Variants in ZNF433 observed in about 807,000 individuals in gnomAD.
ZNF433 encodes the protein zinc finger protein 433.
ZNF433 carries 12 observed loss-of-function variants against 10.6 expected under a neutral mutation model. The ratio of observed to expected loss-of-function variants is 1.13; its 90% CI spans 0.72 to 1.83. The LOEUF is 1.83. Ranked by LOEUF, ZNF433 falls within the 40% of genes most tolerant of loss-of-function variation. The pLI is 0.00. For synonymous variants in ZNF433, 272 were observed against 271.3 expected (o/e 1.00, Z -0.02); for missense variants, 737 against 798.0 (o/e 0.92, Z 0.92).
intron 1 of ZNF433, among the ~76,000 whole-genome samples, chr19:12,031,828 G>A (rs1422593273): frequency 6.7e-6 from 1 of 148,610 alleles, no homozygotes; most frequent in Non-Finnish European, 1.5e-5. Flanking sequence ...CAAGGCTGTA[G>A]TGAGCTGTGA....
At position 12,016,532 on chromosome 19, in the gene ZNF433, A is replaced by G. The variant is rs1410062133; in HGVS notation, c.326T>C (p.Val109Ala). 1 of 1,614,116 alleles carries G rather than the reference A, an allele frequency of 6.2e-7. No homozygotes were observed. The highest frequency in any genetic ancestry group is 8.5e-7 in the Non-Finnish European group (1 of 1,180,028). ...KSCESSVYGE[V>A]GSAHSSLNRH... ...ATTAAGAGATGAATGAGCACTGCCT[A>G]CTTCTCCATACACACTGCTTTCGCA... Residue 109 changes from valine (V) to alanine (A), a missense_variant, in exon 4 of 4, where the codon GTA (valine) becomes GCA (alanine). Coordinates refer to ENST00000550507, the MANE Select transcript of ZNF433 (RefSeq NM_001308348.2).
chr19:12,018,413 C>CG, intron 1 of ZNF433, 121 bp from the exon 2 acceptor site: 3 of 1,186,636 alleles, frequency 2.5e-6, no homozygotes, highest in South Asian at 4.1e-5. Flanking sequence ...CCATGACCAT[C>CG]AGACCTCATA....
intron 1 of ZNF433, among the ~76,000 whole-genome samples, chr19:12,032,978 GC>G (rs1474760159): frequency 6.6e-6 from 1 of 152,180 alleles, no homozygotes; most frequent in East Asian, 1.9e-4. Flanking sequence ...CAAGTGTCAG[GC>G]CATCCTATCA....
In ZNF433 at chr19:12,015,317, C is replaced by T; in HGVS notation, c.1541G>A (p.Cys514Tyr). Residue 514 changes from cysteine (C) to tyrosine (Y), a missense_variant, in exon 4 of 4, where the codon TGT becomes TAT. By Grantham distance (194) the Cys-to-Tyr change is radical (BLOSUM62 -2). Coordinates refer to ENST00000550507, the MANE Select transcript of ZNF433 (RefSeq NM_001308348.2). ...TCCATGATATCGAAAGGAGCTCGAA[C>T]AGTTGAAGGATCTGCCACACTGCTT... is the stretch of plus-strand genomic sequence containing the variant. ...ECKQCGRSFN[C>Y]SSSFRYHGRT... 6 of 1,608,126 alleles carry T rather than the reference C, an allele frequency of 3.7e-6. No homozygotes were observed. Among genetic ancestry groups the T allele is most frequent in the Non-Finnish European group, 5.1e-6 (6 of 1,178,306 alleles).
chr19:12,021,394 A>G (rs1448668252), intron 1 of ZNF433, among the ~76,000 whole-genome samples: 1 of 152,138 alleles, frequency 6.6e-6, no homozygotes. Flanking sequence ...TGCACAGAGA[A>G]TCTCTCCCAC....
Position 12,016,180 on chromosome 19 carries a change from T to C in ZNF433, c.678A>G (p.Lys226=). 1.9e-6 allele frequency: 3 copies of C among 1,613,678 alleles called. No homozygotes were observed. The highest frequency in any genetic ancestry group is 2.5e-6 in the Non-Finnish European group (3 of 1,179,848). ...THTGEKPYQC[K]QCGKAFSHSS... ...AATGACTAAAGGCTTTACCACACTG[T>C]TTACATTGATATGGTTTCTCTCCAG... is the stretch of plus-strand genomic sequence containing the variant. The change falls in exon 4 of 4, where the codon AAA becomes AAG. Residue 226 remains lysine (K), a synonymous_variant. Transcript: ENST00000550507.
chr19:12,024,834 G>A (rs998630198), intron 1 of ZNF433: 8 of 152,164 alleles, frequency 5.3e-5, no homozygotes, highest in Non-Finnish European at 8.8e-5. Flanking sequence ...GATAGGAAAT[G>A]GGAGAACTCG....
chr19:12,018,065 A>G lies in ZNF433; in HGVS notation c.130+101T>C. 3 of 1,390,444 alleles carry G rather than the reference A, an allele frequency of 2.2e-6. No homozygotes were observed. In the South Asian group the frequency reaches 4.3e-5, roughly 20 times the overall value. 86.1% of individuals were successfully genotyped at this position (1,390,444 alleles called of 1,614,324 possible). A position where few individuals can be genotyped will look rare whatever the true frequency, so the allele number is the denominator to read the frequency against. On this transcript the variant is annotated intron_variant, in intron 2 of 3. Transcript: ENST00000550507. ...ATCAAATATTCCCTGTCCACATTGT[A>G]AATCACTCAACAGCATACATGAGCT...
intron 3 of ZNF433, among the ~76,000 whole-genome samples, chr19:12,017,299 T>G (rs1355678428): frequency 1.3e-5 from 2 of 149,832 alleles, no homozygotes; most frequent in Non-Finnish European, 3.0e-5. Context: ...CCCTCCTGGG[T>G]TCAAGCGATT....
In ZNF433 at chr19:12,034,365, C is replaced by T. The variant is rs188961936; in HGVS notation, c.3+1172G>A. Among the ~76,000 whole-genome samples, 46 of 152,284 alleles carry T rather than the reference C, an allele frequency of 3.0e-4. 1 individual carries two copies. The highest frequency in any genetic ancestry group is 1.5e-5 in the Non-Finnish European group (1 of 68,026). On this transcript the variant is annotated intron_variant, in intron 1 of 3. Transcript: ENST00000550507. ...GACTCTGGAATTGAGTCACCTGACACTGGAAAGAGCCAGCTGGAACCCTCC... is the reference window on the plus strand; with the variant it reads ...GACTCTGGAATTGAGTCACCTGACATTGGAAAGAGCCAGCTGGAACCCTCC...
intron 1 of ZNF433, among the ~76,000 whole-genome samples, chr19:12,030,937 G>A (rs1260296764): frequency 1.3e-5 from 2 of 152,080 alleles, no homozygotes; most frequent in East Asian, 1.9e-4. Context: ...TTAGCTGGGT[G>A]TGGTGGAAAA....
chr19:12,021,347 G>A (rs1049870366), intron 1 of ZNF433, among the ~76,000 whole-genome samples: 6 of 152,118 alleles, frequency 3.9e-5, no homozygotes, highest in Non-Finnish European at 1.5e-5. Context: ...GCCTTCTTCT[G>A]CAGAGCCCAG....
intron 1 of ZNF433, chr19:12,024,025 T>C (rs1215911467): frequency 1.3e-5 from 2 of 152,106 alleles, no homozygotes; most frequent in Non-Finnish European, 2.9e-5. Context: ...TTTAAAATGG[T>C]TAACAGATAA....
chr19:12,022,466 C>T (rs1476827251), intron 1 of ZNF433, among the ~76,000 whole-genome samples: 1 of 152,174 alleles, frequency 6.6e-6, no homozygotes, highest in East Asian at 1.9e-4. Flanking sequence ...TTTAATTCCT[C>T]TAGTGCCCCT....
At chr19:12,016,976 AG>A (rs1414281945) in intron 3 of ZNF433, among the ~76,000 whole-genome samples, 1 of 152,128 alleles carries the variant, frequency 6.6e-6, no homozygotes, top group Non-Finnish European at 1.5e-5. Context: ...TCCTGACCTC[AG>A]GTGATCCACC....
At chr19:12,021,212 A>C (rs1444784998) in intron 1 of ZNF433, among the ~76,000 whole-genome samples, 1 of 151,752 alleles carries the variant, frequency 6.6e-6, no homozygotes, top group Non-Finnish European at 1.5e-5. Flanking sequence ...CAAACTCCTG[A>C]CCTCGTGATT....
rs778889513 is a variant in ZNF433 at position 12,015,517 on chromosome 19, A to ATT, written c.1340_1341insAA (p.Tyr447Ter). The ATT allele has an allele frequency of 6.4e-5, 104 of 1,613,948 alleles. No individual in the cohort carries two copies. Among genetic ancestry groups the ATT allele is most frequent in the South Asian group, 4.0e-4 (36 of 91,074 alleles). ...HGRTHTGEKP[Y>*]ACKECGKPFS... ...ATGGTTTTCCACATTCCTTACATGC[A>ATT]TAGGGTTTCTCTCCCGTGTGAGTCC... Residue 447 changes from tyrosine (Y) to a stop codon, truncating the protein, a stop_gained and frameshift_variant, in exon 4 of 4, where the codon TAT becomes TAAAT. Transcript: ENST00000550507. LOFTEE classifies it low-confidence loss of function (END_TRUNC).
chr19:12,026,709 A>G (rs1974751676), intron 1 of ZNF433: 2 of 454,024 alleles, frequency 4.4e-6, no homozygotes, highest in African/African-American at 2.0e-5. Flanking sequence ...CTTGTTTGGG[A>G]AGATTGCATT....
chr19:12,025,507 A>G (rs1435905812), intron 1 of ZNF433: 1 of 152,268 alleles, frequency 6.6e-6, no homozygotes, highest in African/African-American at 2.4e-5. Flanking sequence ...AAATGCAGAT[A>G]CAGCATTACC....
Sources: allele counts gnomAD v4.1 joint callset (sites outside exome capture counted in the v4.1 genomes callset), GRCh38; gene constraint gnomAD v4.1.1; transcripts MANE v1.5; gene names NCBI Gene and HGNC (gene_info 2026-07-23, HGNC 2026-07-21).